The following CCDC7 variants were observed in gnomAD, a reference collection of about 807,000 sequenced individuals.
CCDC7 encodes the protein coiled-coil domain containing 7.
Under a neutral mutation model 196.9 loss-of-function variants are expected in CCDC7, and 183 were observed. That is an observed-to-expected ratio of 0.93 (90% CI 0.82 to 1.05). The LOEUF is 1.05. Ranked by LOEUF, CCDC7 falls within the 50% of genes least tolerant of loss-of-function variation. The pLI, the probability that CCDC7 is intolerant of heterozygous loss-of-function variation, is 0.00. For missense variants in CCDC7, 1,540 were observed against 1,482.2 expected, an observed-to-expected ratio of 1.04 and a Z score of -0.64; for synonymous variants, 525 against 484.6, an observed-to-expected ratio of 1.08 and a Z score of -1.10.
intron 9 of CCDC7, among the ~76,000 whole-genome samples, chr10:32,509,107 A>T (rs1265304891): frequency 1.3e-5 from 2 of 152,062 alleles, no homozygotes; most frequent in Admixed American, 6.5e-5. Context: ...AAGTGTTGGG[A>T]TTACAGGCCT....
At chr10:32,563,757 A>C (rs1460092251) in intron 13 of CCDC7, among the ~76,000 whole-genome samples, 2 of 152,210 alleles carry the variant, frequency 1.3e-5, no homozygotes, top group African/African-American at 4.8e-5. Flanking sequence ...CTTCATGTAT[A>C]AAACACCAAA....
In CCDC7 at chr10:32,735,879, GT is replaced by G. The variant is rs546592773; in HGVS notation, c.2905+6425del. Reference sequence around the variant, plus strand: ...AGGTCTTTGGTTATATTCATTTTTTGTTTACATGTGGATGACTAGTTATTCC... The same window carrying G: ...AGGTCTTTGGTTATATTCATTTTTTGTTACATGTGGATGACTAGTTATTCC... On this transcript the variant is annotated intron_variant, in intron 28 of 41. Transcript: ENST00000639629. 8.7e-4 allele frequency among the ~76,000 whole-genome samples: 132 copies of G among 152,158 alleles called. 1 individual carries two copies. Among genetic ancestry groups the G allele is most frequent in the African/African-American group, 2.9e-3 (120 of 41,524 alleles).
At position 32,527,429 on chromosome 10, in the gene CCDC7, T is replaced by G. The variant is rs1021297219; in HGVS notation, c.993+8924T>G. On this transcript the variant is annotated intron_variant, in intron 11 of 41. Transcript: ENST00000639629. ...CTGATGGTGCTTTCCTGTGTGTAGATAGTTGTTAAAATTTGGTGTTCCAAC... is the reference window on the plus strand; with the variant it reads ...CTGATGGTGCTTTCCTGTGTGTAGAGAGTTGTTAAAATTTGGTGTTCCAAC... 1.3e-5 allele frequency among the ~76,000 whole-genome samples: 2 copies of G among 152,176 alleles called. 1 individual carries two copies. The highest frequency in any genetic ancestry group is 2.9e-5 in the Non-Finnish European group (2 of 68,024).
At chr10:32,554,129 G>C (rs1292684349) in intron 13 of CCDC7, among the ~76,000 whole-genome samples, 2 of 152,178 alleles carry the variant, frequency 1.3e-5, no homozygotes, top group East Asian at 3.9e-4. Context: ...GGCTCACCCA[G>C]CTCCCACCCA....
chr10:32,623,257 A>C (rs2063603056), intron 18 of CCDC7, among the ~76,000 whole-genome samples: 1 of 152,064 alleles, frequency 6.6e-6, no homozygotes, highest in Non-Finnish European at 1.5e-5. Flanking sequence ...GTCCTTCCAA[A>C]TGTTTTATAA....
intron 11 of CCDC7, among the ~76,000 whole-genome samples, chr10:32,527,461 G>T (rs1375758929): frequency 2.0e-5 from 3 of 152,178 alleles, no homozygotes; most frequent in Non-Finnish European, 4.4e-5. Context: ...CAACAGAGGG[G>T]ACGAACAGTG....
intron 30 of CCDC7, among the ~76,000 whole-genome samples, chr10:32,811,380 A>G (rs2087069716): frequency 6.6e-6 from 1 of 152,118 alleles, no homozygotes; most frequent in African/African-American, 2.4e-5. Context: ...CTATACGCTG[A>G]TAAACTGGAA....
rs200015556 is a variant in CCDC7 at position 32,713,782 on chromosome 10, A to G, written c.2569+2052A>G. 2.8e-4 allele frequency among the ~76,000 whole-genome samples: 42 copies of G among 152,040 alleles called. No homozygotes were observed. In the East Asian group the frequency reaches 8.0e-3, roughly 29 times the overall value. On this transcript the variant is annotated intron_variant, in intron 25 of 41. Coordinates refer to ENST00000639629, the Ensembl canonical transcript of CCDC7. Reference sequence around the variant, plus strand: ...GAGCAGCAGAGGGCACATGATTGCCATTTTTTTGCCACTCTTTCCATTGGC... The same window carrying G: ...GAGCAGCAGAGGGCACATGATTGCCGTTTTTTTGCCACTCTTTCCATTGGC...
At chr10:32,582,928 T>G in intron 16 of CCDC7, 106 bp from the exon 18 acceptor site, 1 of 637,608 alleles carries the variant, frequency 1.6e-6, no homozygotes, top group Non-Finnish European at 2.2e-6. Flanking sequence ...TAATGAGTAA[T>G]TATACTTACT....
chr10:32,807,392 TA>T (rs954620074), intron 30 of CCDC7, among the ~76,000 whole-genome samples: 13 of 150,980 alleles, frequency 8.6e-5, no homozygotes, highest in African/African-American at 3.2e-4. Context: ...GTATTGAAGT[TA>T]AAAAAAAATG....
At chr10:32,704,339 C>T (rs755408408) in intron 24 of CCDC7, among the ~76,000 whole-genome samples, 4 of 152,074 alleles carry the variant, frequency 2.6e-5, no homozygotes, top group Non-Finnish European at 5.9e-5. Context: ...TGGTGATCAG[C>T]GAATGTTGCT....
rs1451689274 is a variant in CCDC7 at position 32,511,259 on chromosome 10, G to GGT, written c.873-6685_873-6684insTG. 1.7e-4 allele frequency: 107 copies of GGT among 637,250 alleles called. 1 individual carries two copies. In the African/African-American group the frequency reaches 1.9e-3, roughly 11 times the overall value. The allele number at this position is 637,250 out of a possible 1,614,324, so 39.5% of individuals were successfully genotyped here. A position where few individuals can be genotyped will look rare whatever the true frequency, so the allele number is the denominator to read the frequency against. On this transcript the variant is annotated intron_variant, in intron 9 of 41. Transcript: ENST00000639629. The stretch of plus-strand genomic sequence containing the variant: ...CCTGCCACAGAATTATTCTGTGGGG[G>GGT]GCGGGGGGGGCGGGGAAATGTACTT...
rs757067416 is a variant in CCDC7, at chr10:32,584,275, A to C, written c.1772A>C (p.Gln591Pro). The C allele has an allele frequency of 1.2e-5, 19 of 1,599,026 alleles. No individual in the cohort carries two copies. In the South Asian group the frequency reaches 2.2e-4, roughly 18 times the overall value. ...CAATTACAAAAGATGACTGAAGAAC[A>C]AACTTACCAAGCAGCAGAAAAATCT... The change falls in exon 18 of 42, where the codon CAA (glutamine) becomes CCA (proline). Residue 591 changes from glutamine to proline, a missense_variant. Physicochemically the swap from Gln to Pro is moderately conservative, Grantham distance 76. Coordinates refer to ENST00000639629, the Ensembl canonical transcript of CCDC7.
At chr10:32,837,890 A>G (rs1483771932) in intron 33 of CCDC7, among the ~76,000 whole-genome samples, 1 of 141,332 alleles carries the variant, frequency 7.1e-6, no homozygotes, top group Non-Finnish European at 1.5e-5. Flanking sequence ...ACACATGGAC[A>G]CAGGAAGGGG....
At chr10:32,770,507 T>G (rs945283499) in intron 28 of CCDC7, among the ~76,000 whole-genome samples, 2 of 152,174 alleles carry the variant, frequency 1.3e-5, no homozygotes, top group African/African-American at 2.4e-5. Flanking sequence ...TTTATAAAAT[T>G]TATCAGGATT....
intron 20 of CCDC7, among the ~76,000 whole-genome samples, chr10:32,647,368 G>A (rs756774690): frequency 6.6e-6 from 1 of 151,572 alleles, no homozygotes; most frequent in African/African-American, 2.4e-5. Flanking sequence ...AAACAGCCAG[G>A]TGTAGAAGCA....
Position 32,824,610 on chromosome 10 carries a change from A to T in CCDC7, c.3268+6A>T, listed in dbSNP as rs369266287. 2 of 1,592,202 alleles carry T rather than the reference A, an allele frequency of 1.3e-6. No homozygotes were observed. The highest frequency in any genetic ancestry group is 1.7e-6 in the Non-Finnish European group (2 of 1,164,816). On this transcript the variant is annotated splice_donor_region_variant and intron_variant, in intron 32 of 41. Coordinates refer to ENST00000639629, the Ensembl canonical transcript of CCDC7. ...AAAGAGAAAGAGTTACCCTGGTAAG[A>T]ATAAGAATTTTTAAAATCTACTTAT...
chr10:32,684,721 T>C (rs1016648719), intron 21 of CCDC7, among the ~76,000 whole-genome samples: 12 of 152,264 alleles, frequency 7.9e-5, no homozygotes, highest in Non-Finnish European at 1.6e-4. Flanking sequence ...AAATCTGGAT[T>C]GTATTGCAGT....
At chr10:32,826,947 G>C (rs1257899285) in intron 32 of CCDC7, among the ~76,000 whole-genome samples, 2 of 152,234 alleles carry the variant, frequency 1.3e-5, no homozygotes, top group East Asian at 3.8e-4. Context: ...CTTGAAAGAA[G>C]CATGATTGAA....
Sources: gnomAD v4.1 joint callset for allele counts (sites outside exome capture counted in the v4.1 genomes callset) on GRCh38, gnomAD v4.1.1 for gene constraint, MANE v1.5 for transcripts, NCBI Gene and HGNC (gene_info 2026-07-23, HGNC 2026-07-21) for gene names.